The following EDA variants were observed in gnomAD, a reference collection of about 807,000 sequenced individuals.
EDA encodes the protein ectodysplasin-A.
In EDA, 2 loss-of-function variants were observed where a neutral mutation model predicts 23.6. That is an observed-to-expected ratio of 0.08 (90% confidence interval 0.03 to 0.27). The LOEUF is 0.27. Among genes scored for constraint, EDA ranks in the 10% least tolerant of loss-of-function variants. The pLI is 1.00. For missense variants in EDA, 229 were observed against 324.2 expected, an observed-to-expected ratio of 0.71 and a Z score of 2.26; for synonymous variants, 131 against 132.0, an observed-to-expected ratio of 0.99 and a Z score of 0.05.
chrX:69,902,472 G>T (rs191623942), intron 1 of EDA, among the ~76,000 whole-genome samples: 3 of 111,074 alleles, frequency 2.7e-5, no homozygotes, highest in Non-Finnish European at 5.7e-5. Context: ...ATGCATTCCT[G>T]CTGGAGACAA....
At chrX:69,979,585 A>G (rs753670308) in intron 2 of EDA, among the ~76,000 whole-genome samples, 2 of 111,780 alleles carry the variant, frequency 1.8e-5, no homozygotes, top group African/African-American at 3.2e-5. Flanking sequence ...ATTATATCAT[A>G]GTGGGTGTGA....
intron 1 of EDA, among the ~76,000 whole-genome samples, chrX:69,891,088 A>G (rs753365811): frequency 2.3e-4 from 26 of 112,128 alleles, no homozygotes; most frequent in Middle Eastern, 4.6e-3. Flanking sequence ...ATGAACAGCC[A>G]CTTCTCAAAA....
At chrX:69,872,219 A>G (rs1371391005) in intron 1 of EDA, among the ~76,000 whole-genome samples, 1 of 111,977 alleles carries the variant, frequency 8.9e-6, no homozygotes, top group African/African-American at 3.2e-5. Context: ...GCCATAACCA[A>G]GCTGGCACTA....
chrX:69,762,325 T>A (rs144472599), intron 1 of EDA, among the ~76,000 whole-genome samples: 1,538 of 112,201 alleles, frequency 0.014, 19 homozygotes, highest in African/African-American at 0.045. Context: ...AGACATTTTC[T>A]TTGTTCTCCA....
At chrX:69,930,971 A>G (rs1028879774) in intron 1 of EDA, among the ~76,000 whole-genome samples, 3 of 111,727 alleles carry the variant, frequency 2.7e-5, no homozygotes, top group Non-Finnish European at 5.7e-5. Flanking sequence ...AAATTGATCT[A>G]TAGATTCAAT....
intron 1 of EDA, among the ~76,000 whole-genome samples, chrX:69,752,609 A>G (rs1053065816): frequency 1.8e-5 from 2 of 112,121 alleles, no homozygotes; most frequent in Non-Finnish European, 3.8e-5. Context: ...ATTAGGGAAG[A>G]TTCCCTCTTT....
At chrX:70,035,280 T>C in intron 7 of EDA, 78 bp from the exon 8 acceptor site, 3 of 1,094,904 alleles carry the variant, frequency 2.7e-6, no homozygotes, top group Middle Eastern at 2.8e-4. Context: ...GAGAAGATTC[T>C]GTCAATTCAC....
intron 1 of EDA, among the ~76,000 whole-genome samples, chrX:69,878,827 C>T (rs888331654): frequency 2.7e-5 from 3 of 109,423 alleles, no homozygotes; most frequent in African/African-American, 1.0e-4. Context: ...GAATCCCATC[C>T]GTTTAAGTTA....
At chrX:69,804,917 G>T (rs2015778829) in intron 1 of EDA, among the ~76,000 whole-genome samples, 1 of 111,581 alleles carries the variant, frequency 9.0e-6, no homozygotes, top group Non-Finnish European at 1.9e-5. Flanking sequence ...CTTTGTTATT[G>T]GTATTGTTAT....
At chrX:69,866,977 G>A (rs768591262) in intron 1 of EDA, among the ~76,000 whole-genome samples, 1 of 112,377 alleles carries the variant, frequency 8.9e-6, no homozygotes, top group South Asian at 3.8e-4. Context: ...TCTGGAGTAA[G>A]TGCCTATTCC....
In EDA at chrX:69,655,294, T is replaced by G. The variant is rs780328852; in HGVS notation, c.396+38590T>G. Among the ~76,000 whole-genome samples the G allele has an allele frequency of 2.7e-5, 3 of 111,053 alleles. No individual in the cohort carries two copies. The South Asian group carries it at 1.2e-3, about 43-fold the overall frequency. ...CTGTAATCCCAGCTACTCGGGAGGC[T>G]GAGGCAGGAGAATTGCTTGAACTGG... is the stretch of plus-strand genomic sequence containing the variant. On this transcript the variant is annotated intron_variant, in intron 1 of 7. Coordinates refer to ENST00000374552, the MANE Select transcript of EDA (RefSeq NM_001399.5).
intron 1 of EDA, among the ~76,000 whole-genome samples, chrX:69,863,493 A>G (rs1025083327): frequency 3.7e-4 from 35 of 94,347 alleles, no homozygotes; most frequent in African/African-American, 1.3e-3. Context: ...AGAAAAGTGT[A>G]TATATATATA....
intron 1 of EDA, among the ~76,000 whole-genome samples, chrX:69,696,948 C>A (rs2804321): frequency 0.32 from 35,825 of 111,159 alleles, 5,034 homozygotes; most frequent in Middle Eastern, 0.56. Flanking sequence ...GTAATTCCTC[C>A]TTTACTGCAG....
chrX:69,822,598 A>C (rs1256614795), intron 1 of EDA, among the ~76,000 whole-genome samples: 1 of 112,221 alleles, frequency 8.9e-6, no homozygotes, highest in Non-Finnish European at 1.9e-5. Flanking sequence ...TTAAATACTT[A>C]AGCAGTAGAA....
intron 1 of EDA, among the ~76,000 whole-genome samples, chrX:69,734,424 C>A (rs2804367): frequency 0.34 from 37,015 of 110,439 alleles, 5,214 homozygotes; most frequent in Middle Eastern, 0.57. Flanking sequence ...CAGAAACAAA[C>A]ATTTTTTATT....
At chrX:69,952,943 G>A (rs866849788) in intron 1 of EDA, among the ~76,000 whole-genome samples, 8 of 111,976 alleles carry the variant, frequency 7.1e-5, no homozygotes, top group African/African-American at 1.9e-4. Flanking sequence ...TGGTAATGGC[G>A]GGGAGGTTCT....
At chrX:69,725,542 T>C (rs2012762068) in intron 1 of EDA, among the ~76,000 whole-genome samples, 1 of 112,513 alleles carries the variant, frequency 8.9e-6, no homozygotes, top group African/African-American at 3.2e-5. Flanking sequence ...TTAAGCAATG[T>C]ATTTTTTGCC....
At chrX:69,855,647 G>T (rs1359440079) in intron 1 of EDA, among the ~76,000 whole-genome samples, 1 of 111,003 alleles carries the variant, frequency 9.0e-6, no homozygotes, top group African/African-American at 3.3e-5. Flanking sequence ...TTATTTCTGG[G>T]TTCTCTATTC....
chrX:69,737,271 A>G (rs1350350983), intron 1 of EDA, among the ~76,000 whole-genome samples: 2 of 111,752 alleles, frequency 1.8e-5, no homozygotes, highest in South Asian at 7.4e-4. Flanking sequence ...TAAATCTACC[A>G]TTTTGCTACT....
Sources: allele counts gnomAD v4.1 joint callset (sites outside exome capture counted in the v4.1 genomes callset), GRCh38; gene constraint gnomAD v4.1.1; transcripts MANE v1.5; gene names NCBI Gene and HGNC (gene_info 2026-07-23, HGNC 2026-07-21).